Variants in AJAP1 observed in about 807,000 individuals in gnomAD.
The protein encoded by AJAP1 is adherens junctions associated protein 1.
A neutral mutation model predicts 35.0 loss-of-function variants in AJAP1; 5 were observed. The observed-to-expected ratio is 0.14, with a 90% CI of 0.07 to 0.30. The LOEUF (loss-of-function observed/expected upper bound fraction) is 0.30. Ranked by LOEUF, AJAP1 falls within the 10% of genes least tolerant of loss-of-function variation. The pLI is 1.00. For synonymous variants in AJAP1, 284 were observed against 249.3 expected (o/e 1.14, Z -1.31); for missense variants, 586 against 571.0 (o/e 1.03, Z -0.27).
chr1:4,747,326 A>T (rs1278026334), intron 2 of AJAP1, among the ~76,000 whole-genome samples: 4 of 152,002 alleles, frequency 2.6e-5, no homozygotes, highest in African/African-American at 9.7e-5. Flanking sequence ...TCCAAATGCC[A>T]TCCCCCCTCT....
At chr1:4,672,461 C>T (rs1291724138) in intron 1 of AJAP1, among the ~76,000 whole-genome samples, 1 of 152,168 alleles carries the variant, frequency 6.6e-6, no homozygotes, top group African/African-American at 2.4e-5. Context: ...CTGTGTTTTG[C>T]TTCTATATAG....
At chr1:4,726,184 G>A (rs952028881) in intron 2 of AJAP1, among the ~76,000 whole-genome samples, 6 of 152,086 alleles carry the variant, frequency 3.9e-5, no homozygotes, top group Non-Finnish European at 8.8e-5. Flanking sequence ...CAGAGAGCTG[G>A]GCACAGGGGC....
At chr1:4,781,817 TCTCA>T (rs910166114) in intron 5 of AJAP1, among the ~76,000 whole-genome samples, 14 of 152,172 alleles carry the variant, frequency 9.2e-5, no homozygotes, top group African/African-American at 3.4e-4. Flanking sequence ...TACTGGGGGC[TCTCA>T]CTCAGCCAGG....
At position 4,785,168 on chromosome 1, in the gene AJAP1, C is replaced by A. The variant is rs1393931459; in HGVS notation, c.*2683C>A. ...GCACCCTGGATGCCCTGAACTCTTT[C>A]CTGGGTCCATAAGACATCGAGCCTT... On this transcript the variant is annotated 3_prime_UTR_variant, in exon 6 of 6. Transcript: ENST00000378191. The A allele has an allele frequency of 6.6e-6, 1 of 152,342 alleles. No homozygotes were observed. The allele number at this position is 152,342 out of a possible 1,614,324, so 9.4% of individuals were successfully genotyped here.
At chr1:4,780,302 CTCCCCCCA>C (rs1642034177) in intron 5 of AJAP1, among the ~76,000 whole-genome samples, 1 of 151,994 alleles carries the variant, frequency 6.6e-6, no homozygotes, top group Non-Finnish European at 1.5e-5. Context: ...CACTCCCCGT[CTCCCCCCA>C]TCCCCTGGCC....
chr1:4,742,424 G>T (rs1423698713), intron 2 of AJAP1, among the ~76,000 whole-genome samples: 1 of 152,126 alleles, frequency 6.6e-6, no homozygotes. Context: ...AAATGCCAAG[G>T]TCATGAAAGT....
intron 5 of AJAP1, among the ~76,000 whole-genome samples, chr1:4,778,426 G>C (rs1641981319): frequency 6.6e-6 from 1 of 152,188 alleles, no homozygotes. Flanking sequence ...TTGAGCAACA[G>C]AGTTTTGGCA....
Position 4,785,813 on chromosome 1 carries a change from T to C in AJAP1, c.*3328T>C, listed in dbSNP as rs1244542417. ...CTCCAAGGAAGGGTGATGTGGTTTG[T>C]TAGGGTTCCCCAGTTTTCGTCCACT... On this transcript the variant is annotated 3_prime_UTR_variant, in exon 6 of 6. Transcript: ENST00000378191. The C allele has an allele frequency of 2.0e-5, 3 of 152,166 alleles. No individual in the cohort carries two copies. The East Asian group carries it at 5.8e-4, about 29-fold the overall frequency. The allele number at this position is 152,166 out of a possible 1,614,324, so 9.4% of individuals were successfully genotyped here. A position where few individuals can be genotyped will look rare whatever the true frequency, so the allele number is the denominator to read the frequency against.
chr1:4,664,592 G>A (rs1269290024), intron 1 of AJAP1, among the ~76,000 whole-genome samples: 1 of 152,110 alleles, frequency 6.6e-6, no homozygotes, highest in Non-Finnish European at 1.5e-5. Context: ...CTTCTGCCGG[G>A]GTGTCATTTT....
chr1:4,683,012 C>G (rs1639521535), intron 1 of AJAP1, among the ~76,000 whole-genome samples: 1 of 152,222 alleles, frequency 6.6e-6, no homozygotes, highest in Non-Finnish European at 1.5e-5. Flanking sequence ...TGGCCCTTGG[C>G]CCCTTGGAGT....
chr1:4,726,708 G>A (rs1640669130), intron 2 of AJAP1, among the ~76,000 whole-genome samples: 1 of 152,168 alleles, frequency 6.6e-6, no homozygotes, highest in South Asian at 2.1e-4. Flanking sequence ...GAGGGGCCCA[G>A]GAAGCTGCCT....
In AJAP1 at chr1:4,712,039, C is replaced by G. The variant is rs1460949810; in HGVS notation, c.169C>G (p.Pro57Ala). The G allele has an allele frequency of 6.3e-7, 1 of 1,588,572 alleles. No homozygotes were observed. Among genetic ancestry groups the G allele is most frequent in the Non-Finnish European group, 8.5e-7 (1 of 1,171,168 alleles). The part of the protein sequence containing the change: ...GPEFWLLPRS[P>A]PRPPRLWSFR... ...GGAGTTCTGGCTCCTGCCGCGGTCGCCGCCCCGGCCGCCCCGGCTGTGGAG... is the reference window on the plus strand; with the variant it reads ...GGAGTTCTGGCTCCTGCCGCGGTCGGCGCCCCGGCCGCCCCGGCTGTGGAG... Residue 57 changes from proline to alanine, a missense_variant, in exon 2 of 6, where the codon CCG becomes GCG. Physicochemically the swap from Pro to Ala is conservative, Grantham distance 27. Transcript: ENST00000378191.
Position 4,789,057 on chromosome 1 carries a change from A to G in AJAP1, c.*6572A>G, listed in dbSNP as rs1642213399. ...GAGTTACTGTACATAGAATCAAGAG[A>G]GCAGTTTTGAATGAGCCGTAAATCT... On this transcript the variant is annotated 3_prime_UTR_variant, in exon 6 of 6. Transcript: ENST00000378191. The surrounding 1 kb of genome is among the most constrained non-coding windows in gnomAD (Gnocchi z 4.4). 6.6e-6 allele frequency: 1 copy of G among 152,196 alleles called. No homozygotes were observed. Among genetic ancestry groups the G allele is most frequent in the South Asian group, 2.1e-4 (1 of 4,828 alleles). The allele number at this position is 152,196 out of a possible 1,614,324, so 9.4% of individuals were successfully genotyped here.
In AJAP1 at chr1:4,786,080, C is replaced by T. The variant is rs1642156937; in HGVS notation, c.*3595C>T. 6.6e-6 allele frequency: 1 copy of T among 152,180 alleles called. No homozygotes were observed. Among genetic ancestry groups the T allele is most frequent in the Non-Finnish European group, 1.5e-5 (1 of 68,030 alleles). 9.4% of individuals were successfully genotyped at this position (152,180 alleles called of 1,614,324 possible). A position where few individuals can be genotyped will look rare whatever the true frequency, so the allele number is the denominator to read the frequency against. ...AAAGGCAGGGTTCTCCAGGCATGGT[C>T]AGGGAGCTTCCCCACCGTTTCCCAT... On this transcript the variant is annotated 3_prime_UTR_variant, in exon 6 of 6. Transcript: ENST00000378191.
chr1:4,726,982 G>A (rs931342702), intron 2 of AJAP1, among the ~76,000 whole-genome samples: 1 of 152,206 alleles, frequency 6.6e-6, no homozygotes, highest in Non-Finnish European at 1.5e-5. Context: ...TGGGGGATGC[G>A]GATCCCTGTG....
Position 4,712,051 on chromosome 1 carries a change from C to T in AJAP1, c.181C>T (p.Pro61Ser), listed in dbSNP as rs755348555. The change falls in exon 2 of 6, where the codon CCC becomes TCC. Residue 61 changes from proline (P) to serine (S), a missense_variant. Physicochemically the swap from Pro to Ser is moderately conservative, Grantham distance 74. Transcript: ENST00000378191. ...WLLPRSPPRP[P>S]RLWSFRSGQP... The stretch of plus-strand genomic sequence containing the variant: ...CCTGCCGCGGTCGCCGCCCCGGCCG[C>T]CCCGGCTGTGGAGTTTTAGGAGTGG... The T allele has an allele frequency of 8.8e-6, 14 of 1,587,702 alleles. No individual in the cohort carries two copies. The South Asian group carries it at 1.1e-4, about 13-fold the overall frequency.
intron 2 of AJAP1, among the ~76,000 whole-genome samples, chr1:4,730,824 G>C (rs1640780175): frequency 6.6e-6 from 1 of 152,138 alleles, no homozygotes; most frequent in Admixed American, 6.5e-5. Context: ...GCAATGCTCA[G>C]ACCTGGCCCT....
intron 3 of AJAP1, 134 bp downstream of exon 3, chr1:4,770,074 C>T (rs1641801172): frequency 6.3e-6 from 5 of 787,664 alleles, no homozygotes; most frequent in East Asian, 2.5e-5. Context: ...TCAGCTGCCA[C>T]AGGCTGCTCA....
intron 2 of AJAP1, among the ~76,000 whole-genome samples, chr1:4,730,411 G>A (rs1170350320): frequency 1.3e-5 from 2 of 152,192 alleles, no homozygotes; most frequent in African/African-American, 4.8e-5. Context: ...CACCCAGCCT[G>A]GAGCCCAGAG....
Sources: allele counts gnomAD v4.1 joint callset (sites outside exome capture counted in the v4.1 genomes callset), GRCh38; gene constraint gnomAD v4.1.1; non-coding constraint Gnocchi (gnomAD v3.1); transcripts MANE v1.5; gene names NCBI Gene and HGNC (gene_info 2026-07-23, HGNC 2026-07-21).